SPON2: variants seen among roughly 807,000 people sequenced by gnomAD.
The protein encoded by SPON2 is spondin 2.
Under a neutral mutation model 29.9 loss-of-function variants are expected in SPON2, and 32 were observed. The ratio of observed to expected loss-of-function variants is 1.07; its 90% CI spans 0.81 to 1.44. The LOEUF is 1.44. Among genes scored for constraint, SPON2 ranks in the 40% most tolerant of loss-of-function variants. SPON2 has a pLI of 0.00. For synonymous variants in SPON2, 248 were observed against 209.1 expected, an observed-to-expected ratio of 1.19 and a Z score of -1.61; for missense variants, 541 against 455.5, an observed-to-expected ratio of 1.19 and a Z score of -1.71.
chr4:1,200,716 C>A, intron 1 of SPON2: 1 of 430,698 alleles, frequency 2.3e-6, no homozygotes, highest in Non-Finnish European at 4.7e-6. Context: ...GCGTGGACAT[C>A]GCTGGACGGG....
chr4:1,199,990 C>G (rs1728157039), upstream of SPON2: 1 of 152,254 alleles, frequency 6.6e-6, no homozygotes, highest in African/African-American at 2.4e-5. This position sits in a 1 kb window ranked among gnomAD's most constrained non-coding sequence, Gnocchi z 4.5. Context: ...AGCCTGAAGC[C>G]CAGCCTCCAG....
At chr4:1,205,304 C>T (rs533396753) in intron 1 of SPON2, among the ~76,000 whole-genome samples, 3 of 152,274 alleles carry the variant, frequency 2.0e-5, no homozygotes, top group South Asian at 2.1e-4. Context: ...CAGGAGGTGG[C>T]GCTGGCTGAG....
chr4:1,195,486 A>T (rs902038780), upstream of SPON2, among the ~76,000 whole-genome samples: 2 of 144,600 alleles, frequency 1.4e-5, no homozygotes, highest in East Asian at 2.4e-4. Context: ...TGGCACCTGA[A>T]CCTCCCCCCG....
chr4:1,181,949 G>A (rs978169134), intron 1 of SPON2, among the ~76,000 whole-genome samples: 8 of 152,190 alleles, frequency 5.3e-5, no homozygotes, highest in Middle Eastern at 3.4e-3. Context: ...TAAAGACTAG[G>A]ACATTCAAAA....
chr4:1,171,152 C>A lies in SPON2; in HGVS notation c.483G>T (p.Trp161Cys). The A allele has an allele frequency of 6.4e-7, 1 of 1,552,954 alleles. No homozygotes were observed. Among genetic ancestry groups the A allele is most frequent in the Non-Finnish European group, 8.7e-7 (1 of 1,149,260 alleles). The change falls in exon 4 of 6, where the codon TGG becomes TGT. Residue 161 changes from tryptophan (W) to cysteine (C), a missense_variant. Transcript: ENST00000290902. ...FVVRIVPSPD[W>C]FVGVDSLDLC... The stretch of plus-strand genomic sequence containing the variant: ...GGTCCAGGCTGTCCACGCCCACGAA[C>A]CAGTCGGGGCTGGGCACGATGCGCA...
At chr4:1,201,653 GC>G (rs1728208984) in intron 1 of SPON2, among the ~76,000 whole-genome samples, 1 of 152,016 alleles carries the variant, frequency 6.6e-6, no homozygotes, top group Non-Finnish European at 1.5e-5. Flanking sequence ...CGTGATCTCG[GC>G]TCACTGCAAG....
chr4:1,187,768 A>ACCAGCACATCAT (rs1727832514), intron 1 of SPON2, among the ~76,000 whole-genome samples: 1 of 152,208 alleles, frequency 6.6e-6, no homozygotes, highest in Admixed American at 6.5e-5. Flanking sequence ...ACATCATTTG[A>ACCAGCACATCAT]CTACCAGCAC....
chr4:1,176,505 C>CCACACAGTACATTGATT, upstream of SPON2, among the ~76,000 whole-genome samples: 1 of 152,080 alleles, frequency 6.6e-6, no homozygotes, highest in Admixed American at 6.5e-5. Context: ...ATGCAATCAT[C>CCACACAGTACATTGATT]CACACAGTAC....
At chr4:1,170,634 C>T (rs1196973956) in intron 4 of SPON2, 58 bp from the exon 5 acceptor site, 26 of 1,544,670 alleles carry the variant, frequency 1.7e-5, no homozygotes, top group Middle Eastern at 1.7e-4. Context: ...TTCTGGTATG[C>T]GTATGGCCTC....
intron 1 of SPON2, among the ~76,000 whole-genome samples, chr4:1,183,797 A>C (rs1420563684): frequency 6.6e-6 from 1 of 152,218 alleles, no homozygotes; most frequent in Non-Finnish European, 1.5e-5. Context: ...CACAAAGGAA[A>C]TAGCTATATA....
rs1200097878 is a variant in SPON2, at chr4:1,202,572, G to A, written c.-234+5308C>T. On this transcript the variant is annotated intron_variant, in intron 1 of 3. Coordinates refer to the SPON2 transcript ENST00000509233. The surrounding 1 kb of genome is among the most constrained non-coding windows in gnomAD (Gnocchi z 5.4). ...GGGCTGGGCCCCCACGGCTTCTGTG[G>A]GCTCAGCCCACTCAGTGCTCATGGG... Among the ~76,000 whole-genome samples, 1 of 151,980 alleles carries A rather than the reference G, an allele frequency of 6.6e-6. No homozygotes were observed. Among genetic ancestry groups the A allele is most frequent in the African/African-American group, 2.4e-5 (1 of 41,368 alleles).
rs910341014 is a variant in SPON2 at position 1,167,446 on chromosome 4, G to T, written c.*26C>A. On this transcript the variant is annotated 3_prime_UTR_variant, in exon 6 of 6. Transcript: ENST00000290902. ...CCCCGACACCCCATGGCTCCGGGGG[G>T]CCCCAGGGGCTGCGGGGCTCTGGTC... The T allele has an allele frequency of 1.9e-6, 3 of 1,600,742 alleles. No individual in the cohort carries two copies. The highest frequency in any genetic ancestry group is 2.6e-6 in the Non-Finnish European group (3 of 1,172,400).
At chr4:1,196,200 G>A (rs550731261), upstream of SPON2, among the ~76,000 whole-genome samples, 2 of 152,174 alleles carry the variant, frequency 1.3e-5, no homozygotes, top group African/African-American at 2.4e-5. Flanking sequence ...CTTCTTTAAC[G>A]TCTCTTACTG....
At chr4:1,174,829 G>A (rs531797338), upstream of SPON2, among the ~76,000 whole-genome samples, 1 of 152,352 alleles carries the variant, frequency 6.6e-6, no homozygotes, top group African/African-American at 2.4e-5. Context: ...TTCATCTGCT[G>A]AGATGTGCTG....
chr4:1,179,140 C>T (rs925122457), intron 2 of SPON2, among the ~76,000 whole-genome samples: 5 of 150,900 alleles, frequency 3.3e-5, no homozygotes, highest in East Asian at 2.0e-4. Flanking sequence ...CTGCTCTTCT[C>T]TGACTTATTT....
chr4:1,177,608 G>A (rs56047112), upstream of SPON2, among the ~76,000 whole-genome samples: 2,995 of 152,200 alleles, frequency 0.02, 98 homozygotes, highest in African/African-American at 0.069. Context: ...GCCCTGCCCC[G>A]GGCCCCAGAA....
At chr4:1,206,611 G>A (rs749299359) in intron 1 of SPON2, among the ~76,000 whole-genome samples, 12 of 152,218 alleles carry the variant, frequency 7.9e-5, no homozygotes, top group Admixed American at 7.2e-4. Context: ...GGGACCCAGC[G>A]GGCTGAGTGG....
At chr4:1,190,588 A>G (rs1727893391) in intron 1 of SPON2, among the ~76,000 whole-genome samples, 1 of 152,260 alleles carries the variant, frequency 6.6e-6, no homozygotes, top group African/African-American at 2.4e-5. Flanking sequence ...ATTATGCACA[A>G]TGAATGCAAA....
chr4:1,177,344 G>T (rs1727624197), upstream of SPON2, among the ~76,000 whole-genome samples: 1 of 152,268 alleles, frequency 6.6e-6, no homozygotes, highest in Non-Finnish European at 1.5e-5. Context: ...CTCCCAGGGT[G>T]TTGGCAATGT....
Sources: gnomAD v4.1 joint callset for allele counts (sites outside exome capture counted in the v4.1 genomes callset) on GRCh38, gnomAD v4.1.1 for gene constraint, Gnocchi (gnomAD v3.1) non-coding constraint, MANE v1.5 for transcripts, NCBI Gene and HGNC (gene_info 2026-07-23, HGNC 2026-07-21) for gene names.